Variants in RHOT1 observed in about 807,000 individuals in gnomAD.
RHOT1 encodes the protein ras homolog family member T1.
In RHOT1, 27 loss-of-function variants were observed where a neutral mutation model predicts 95.3. That is an observed-to-expected ratio of 0.28 (90% CI 0.21 to 0.39). RHOT1 has a LOEUF of 0.39. RHOT1 is among the 10% of genes least tolerant of loss of function. The pLI is 1.00. For synonymous variants in RHOT1, 227 were observed against 263.5 expected (o/e 0.86, Z 1.34); for missense variants, 578 against 786.7 (o/e 0.73, Z 3.17).
chr17:32,187,559 G>A (rs1476475741), intron 8 of RHOT1, among the ~76,000 whole-genome samples: 3 of 152,128 alleles, frequency 2.0e-5, no homozygotes, highest in Admixed American at 2.0e-4. Flanking sequence ...TTCACAGTCT[G>A]TACACTAAGG....
rs1174784241 is a variant in RHOT1, at chr17:32,191,502, T to A, written c.541-699T>A. ...ATAGTGGTTATACAGTGTAGAAGCA[T>A]GTGGGCCTTATTTTAAAATAGTCAT... On this transcript the variant is annotated intron_variant, in intron 8 of 19. Coordinates refer to ENST00000545287, the MANE Select transcript of RHOT1 (RefSeq NM_001033566.3). 2.6e-5 allele frequency among the ~76,000 whole-genome samples: 4 copies of A among 152,168 alleles called. No homozygotes were observed. In the South Asian group the frequency reaches 6.2e-4, roughly 24 times the overall value.
chr17:32,200,833 T>A, intron 13 of RHOT1, 123 bp from the exon 14 acceptor site: 1 of 630,220 alleles, frequency 1.6e-6, no homozygotes, highest in Admixed American at 2.8e-5. Context: ...CATAGGAAAT[T>A]AAAGTAGTCT....
chr17:32,142,721 TG>T lies in RHOT1; in HGVS notation c.32del (p.Gly11GlufsTer10). 6.6e-7 allele frequency: 1 copy of T among 1,523,124 alleles called. No individual in the cohort carries two copies. Among genetic ancestry groups the T allele is most frequent in the South Asian group, 1.2e-5 (1 of 80,100 alleles). The allele number at this position is 1,523,124 out of a possible 1,614,324, so 94.4% of individuals were successfully genotyped here. A position where few individuals can be genotyped will look rare whatever the true frequency, so the allele number is the denominator to read the frequency against. On this transcript the variant is annotated frameshift_variant, in exon 1 of 20. Coordinates refer to ENST00000545287, the MANE Select transcript of RHOT1 (RefSeq NM_001033566.3). LOFTEE classifies it high-confidence loss of function. MKKDVRILL[V>X]GEPRVGKTSL... ...AAGAAAGACGTGCGGATCCTGCTGG[TG>T]GGAGAACGTGAGTCCGCACCCTCTG...
chr17:32,165,293 C>T (rs1005064123), intron 1 of RHOT1, among the ~76,000 whole-genome samples: 17 of 145,264 alleles, frequency 1.2e-4, no homozygotes, highest in South Asian at 2.2e-4. Context: ...GCCGAAATCG[C>T]GCCACTGCAC....
At chr17:32,208,042 A>T (rs544161754) in intron 17 of RHOT1, 65 bp from the exon 18 acceptor site, 137 of 1,423,644 alleles carry the variant, frequency 9.6e-5, no homozygotes, top group Admixed American at 1.7e-4. Flanking sequence ...TGCTTGGTTC[A>T]CATTTAATTA....
In RHOT1 at chr17:32,176,201, A is replaced by G. The variant is rs893357775; in HGVS notation, c.317A>G (p.Asp106Gly). The G allele has an allele frequency of 1.6e-5, 26 of 1,608,988 alleles. No homozygotes were observed. The African/African-American group carries it at 3.2e-4, about 20-fold the overall frequency. The part of the protein sequence containing the change: ...RWIPLINERT[D>G]KDSRLPLILV... ...ATTCCTCTCATAAATGAAAGAACAG[A>G]CAAAGACAGCAGGTATTTTTTCCTC... The change falls in exon 6 of 20, where the codon GAC (aspartate) becomes GGC (glycine). Residue 106 changes from aspartate (D) to glycine (G), a missense_variant. Asp to Gly is a moderately conservative substitution (Grantham distance 94). Coordinates refer to ENST00000545287, the MANE Select transcript of RHOT1 (RefSeq NM_001033566.3).
At position 32,182,860 on chromosome 17, in the gene RHOT1, G is replaced by A; in HGVS notation, c.433G>A (p.Val145Met). Residue 145 changes from valine to methionine, a missense_variant, in exon 7 of 20, where the codon GTG (valine) becomes ATG (methionine). Val to Met is a conservative substitution (Grantham distance 21, BLOSUM62 1). Coordinates refer to ENST00000545287, the MANE Select transcript of RHOT1 (RefSeq NM_001033566.3). Reference sequence around the variant, plus strand: ...CCAGTATACAGAAATAGAAACCTGTGTGGAGGTATGCCTTGTAATTTGATT... The same window carrying A: ...CCAGTATACAGAAATAGAAACCTGTATGGAGGTATGCCTTGTAATTTGATT... ...MNQYTEIETC[V>M]ECSAKNLKNI... The A allele has an allele frequency of 3.3e-6, 5 of 1,516,480 alleles. No individual in the cohort carries two copies. The highest frequency in any genetic ancestry group is 4.5e-6 in the Non-Finnish European group (5 of 1,102,958). The allele number at this position is 1,516,480 out of a possible 1,614,324, so 93.9% of individuals were successfully genotyped here.
intron 1 of RHOT1, among the ~76,000 whole-genome samples, chr17:32,158,904 C>T (rs886070187): frequency 6.6e-6 from 1 of 152,326 alleles, no homozygotes; most frequent in East Asian, 1.9e-4. Context: ...TCTGGAGTGG[C>T]CATCAGCTGC....
At chr17:32,158,205 G>C (rs1189105290) in intron 1 of RHOT1, among the ~76,000 whole-genome samples, 1 of 152,140 alleles carries the variant, frequency 6.6e-6, no homozygotes, top group Non-Finnish European at 1.5e-5. Flanking sequence ...TAGTATGTAA[G>C]ACAAAACTTT....
At chr17:32,157,776 C>T (rs1417280684) in intron 1 of RHOT1, among the ~76,000 whole-genome samples, 2 of 151,934 alleles carry the variant, frequency 1.3e-5, no homozygotes, top group African/African-American at 2.4e-5. Flanking sequence ...CATTGTACTC[C>T]AGCCTGGGTG....
chr17:32,161,113 C>G (rs1001856692), intron 1 of RHOT1, among the ~76,000 whole-genome samples: 1 of 152,190 alleles, frequency 6.6e-6, no homozygotes, highest in African/African-American at 2.4e-5. Context: ...TAACACAAGG[C>G]TGGCCATGCA....
intron 8 of RHOT1, among the ~76,000 whole-genome samples, chr17:32,184,218 A>G (rs1224784807): frequency 1.3e-5 from 2 of 152,040 alleles, no homozygotes; most frequent in Non-Finnish European, 2.9e-5. Flanking sequence ...GAAACCCTGT[A>G]CCTATTAGCA....
intron 1 of RHOT1, 163 bp downstream of exon 1, chr17:32,142,892 C>G: frequency 1.3e-6 from 1 of 757,710 alleles, no homozygotes; most frequent in Non-Finnish European, 2.4e-6. Flanking sequence ...CTTCCAGCCC[C>G]TTCACTCTTC....
At chr17:32,201,195 C>A (rs551545932) in intron 14 of RHOT1, 139 bp downstream of exon 14, 3 of 501,398 alleles carry the variant, frequency 6.0e-6, no homozygotes, top group East Asian at 7.3e-5. Context: ...GTGATCAGAT[C>A]ATTTCTTTTG....
At chr17:32,142,915 C>G (rs1598253182) in intron 1 of RHOT1, 186 bp downstream of exon 1, 2 of 724,670 alleles carry the variant, frequency 2.8e-6, no homozygotes. Flanking sequence ...TTTTGGCTGG[C>G]CGCCGGCGGC....
At position 32,207,006 on chromosome 17, in the gene RHOT1, G is replaced by A. The variant is rs2037805451; in HGVS notation, c.1513G>A (p.Glu505Lys). The change falls in exon 17 of 20, where the codon GAA (glutamate) becomes AAA (lysine). Residue 505 changes from glutamate (E) to lysine (K), a missense_variant. Glu to Lys is a moderately conservative substitution (Grantham distance 56). Coordinates refer to ENST00000545287, the MANE Select transcript of RHOT1 (RefSeq NM_001033566.3). ...VYDVSNPKSF[E>K]YCARIFKQHF... ...TGATGTCAGCAATCCCAAATCCTTT[G>A]AATACTGTGCCAGGATTTTTAAGGT... 1 of 1,611,694 alleles carries A rather than the reference G, an allele frequency of 6.2e-7. No individual in the cohort carries two copies. The highest frequency in any genetic ancestry group is 8.5e-7 in the Non-Finnish European group (1 of 1,179,134).
At chr17:32,154,020 G>C (rs757685921) in intron 1 of RHOT1, among the ~76,000 whole-genome samples, 2 of 150,052 alleles carry the variant, frequency 1.3e-5, no homozygotes, top group Non-Finnish European at 2.9e-5. Context: ...GAAAAATCAG[G>C]GGACAGGCGT....
In RHOT1 at chr17:32,173,838, C is replaced by T; in HGVS notation, c.104C>T (p.Pro35Leu). The change falls in exon 3 of 20, where the codon CCC becomes CTC. Residue 35 changes from proline (P) to leucine (L), a missense_variant. By Grantham distance (98) the Pro-to-Leu change is moderately conservative. This residue lies in a region of RHOT1 where 51 missense variants were observed against 114.7 expected (regional missense o/e 0.44). Coordinates refer to ENST00000545287, the MANE Select transcript of RHOT1 (RefSeq NM_001033566.3). ...ATTTGTTTGTAAATGAAGGTTCCTC[C>T]CCGGGCAGAAGAAATCACCATTCCA... Reference protein sequence around the residue: ...VSEEFPEEVPPRAEEITIPAD... With the variant: ...VSEEFPEEVPLRAEEITIPAD... 3.1e-6 allele frequency: 5 copies of T among 1,606,732 alleles called. No individual in the cohort carries two copies. Among genetic ancestry groups the T allele is most frequent in the East Asian group, 2.2e-5 (1 of 44,772 alleles).
intron 16 of RHOT1, among the ~76,000 whole-genome samples, chr17:32,206,640 AGGCAG>A (rs2037772887): frequency 6.6e-6 from 1 of 151,634 alleles, no homozygotes; most frequent in African/African-American, 2.4e-5. Flanking sequence ...TTTTTAGTAT[AGGCAG>A]GGTTTCACTA....
Sources: gnomAD v4.1 joint callset for allele counts (sites outside exome capture counted in the v4.1 genomes callset) on GRCh38, gnomAD v4.1.1 for gene constraint, gnomAD v4.1.1 regional missense constraint, MANE v1.5 for transcripts, NCBI Gene and HGNC (gene_info 2026-07-23, HGNC 2026-07-21) for gene names.